Variants in BANK1 observed in about 807,000 individuals in gnomAD.
BANK1 encodes B cell scaffold protein with ankyrin repeats 1, also known as B-cell scaffold protein with ankyrin repeats.
A neutral mutation model predicts 94.5 loss-of-function variants in BANK1; 95 were observed. The ratio of observed to expected loss-of-function variants is 1.00; its 90% CI spans 0.85 to 1.19. The LOEUF is 1.19. Among genes scored for constraint, BANK1 ranks in the 50% most tolerant of loss-of-function variants. BANK1 has a pLI of 0.00. For synonymous variants in BANK1, 334 were observed against 308.4 expected, an observed-to-expected ratio of 1.08 and a Z score of -0.87; for missense variants, 987 against 932.2, an observed-to-expected ratio of 1.06 and a Z score of -0.77.
intron 1 of BANK1, among the ~76,000 whole-genome samples, chr4:101,811,965 A>C (rs1433183711): frequency 6.6e-6 from 1 of 151,996 alleles, no homozygotes. Flanking sequence ...AGTCTGAAAA[A>C]TTGTTCTTTA....
chr4:101,862,684 A>T lies in BANK1; in HGVS notation c.763+20A>T, dbSNP rs970686195. The T allele has an allele frequency of 6.3e-6, 10 of 1,581,116 alleles. No homozygotes were observed. Among genetic ancestry groups the T allele is most frequent in the African/African-American group, 1.4e-5 (1 of 73,124 alleles). ...CTTTAGGTAAGAATGTTTATGATTT[A>T]ATAAGCATAAAACATTATCCTGAGT... On this transcript the variant is annotated intron_variant, in intron 4 of 16. Coordinates refer to ENST00000322953, the MANE Select transcript of BANK1 (RefSeq NM_017935.5).
chr4:101,929,553 A>G (rs1023775972), intron 7 of BANK1, among the ~76,000 whole-genome samples: 1 of 151,628 alleles, frequency 6.6e-6, no homozygotes, highest in African/African-American at 2.4e-5. Context: ...AGGAAACAAT[A>G]TTTATCAAAT....
At chr4:101,813,465 A>G (rs1302966238) in intron 1 of BANK1, among the ~76,000 whole-genome samples, 1 of 152,228 alleles carries the variant, frequency 6.6e-6, no homozygotes, top group East Asian at 1.9e-4. Context: ...AAAAGCCACT[A>G]TGGTGATTCT....
At chr4:102,053,791 A>ACTAAATTAGCTAT (rs1466740288) in intron 11 of BANK1, among the ~76,000 whole-genome samples, 1 of 151,898 alleles carries the variant, frequency 6.6e-6, no homozygotes, top group Non-Finnish European at 1.5e-5. Context: ...AATTATTGCT[A>ACTAAATTAGCTAT]ATTTAGTAGC....
chr4:101,919,380 C>G (rs1484182568), intron 7 of BANK1, among the ~76,000 whole-genome samples: 3 of 151,978 alleles, frequency 2.0e-5, no homozygotes, highest in Admixed American at 2.0e-4. Flanking sequence ...AAAGACTCAG[C>G]TTTTGACAGA....
rs185123956 is a variant in BANK1 at position 101,951,833 on chromosome 4, T to G, written c.1206+33644T>G. Among the ~76,000 whole-genome samples the G allele has an allele frequency of 4.0e-3, 610 of 151,406 alleles. 3 individuals carry two copies. The highest frequency in any genetic ancestry group is 0.014 in the African/African-American group (576 of 41,450). ...ATAAATAATTTTGATTTTTAGTTTTTATTTTTTGTACTCAGAACCCATTTA... is the reference window on the plus strand; with the variant it reads ...ATAAATAATTTTGATTTTTAGTTTTGATTTTTTGTACTCAGAACCCATTTA... On this transcript the variant is annotated intron_variant, in intron 7 of 16. Coordinates refer to ENST00000322953, the MANE Select transcript of BANK1 (RefSeq NM_017935.5).
At chr4:101,801,502 G>A (rs1725355701) in intron 1 of BANK1, among the ~76,000 whole-genome samples, 1 of 152,122 alleles carries the variant, frequency 6.6e-6, no homozygotes, top group Non-Finnish European at 1.5e-5. Context: ...TGTTGAATAT[G>A]TATTATGAGA....
At chr4:102,047,718 C>A (rs1481999106) in intron 11 of BANK1, among the ~76,000 whole-genome samples, 2 of 151,708 alleles carry the variant, frequency 1.3e-5, no homozygotes, top group Non-Finnish European at 2.9e-5. Context: ...AGGGAAAATG[C>A]AAAGAAGGCC....
chr4:102,030,192 T>C lies in BANK1; in HGVS notation c.1827T>C (p.Asn609=). ...KKTGSRSFII[N]RPPAPTPRPT... The stretch of plus-strand genomic sequence containing the variant: ...CTGGGAGTCGGTCTTTCATTATAAA[T>C]AGACCTCCTGCCCCCACACCCCGAC... Residue 609 remains asparagine, a synonymous_variant, in exon 10 of 17, where the codon AAT becomes AAC. Transcript: ENST00000322953. 6.2e-7 allele frequency: 1 copy of C among 1,613,822 alleles called. No individual in the cohort carries two copies. Among genetic ancestry groups the C allele is most frequent in the Non-Finnish European group, 8.5e-7 (1 of 1,179,798 alleles).
In BANK1 at chr4:101,918,205, A is replaced by T. The variant is rs3733198; in HGVS notation, c.1206+16A>T. 1,406,732 of 1,464,664 alleles carry T rather than the reference A, an allele frequency of 0.96. 675,954 individuals are homozygous for T. Among genetic ancestry groups the T allele is most frequent in the Admixed American group, 0.98 (48,915 of 50,102 alleles). 90.7% of individuals were successfully genotyped at this position (1,464,664 alleles called of 1,614,324 possible). A position where few individuals can be genotyped will look rare whatever the true frequency, so the allele number is the denominator to read the frequency against. On this transcript the variant is annotated intron_variant, in intron 7 of 16. Transcript: ENST00000322953. ...AGACTTTTCAGTAAGTTTTTTTTTT[A>T]AATTATATCTCTGTATATTCTGTTT...
At chr4:101,850,192 G>A (rs1727419655) in intron 2 of BANK1, among the ~76,000 whole-genome samples, 1 of 152,088 alleles carries the variant, frequency 6.6e-6, no homozygotes, top group Admixed American at 6.5e-5. Flanking sequence ...TTTTATTATT[G>A]CACTTAATAT....
intron 7 of BANK1, among the ~76,000 whole-genome samples, chr4:101,995,025 T>G (rs1469117811): frequency 6.6e-6 from 1 of 152,160 alleles, no homozygotes; most frequent in Admixed American, 6.5e-5. Context: ...GGTATACATG[T>G]GCCATGGTGG....
At chr4:101,960,074 T>C (rs139747579) in intron 7 of BANK1, among the ~76,000 whole-genome samples, 1,549 of 152,318 alleles carry the variant, frequency 0.01, 9 homozygotes, top group Non-Finnish European at 0.016. Flanking sequence ...TGAATGATTA[T>C]AGGCAGATCT....
intron 11 of BANK1, among the ~76,000 whole-genome samples, chr4:102,054,601 C>G (rs537605757): frequency 6.6e-6 from 1 of 152,004 alleles, no homozygotes; most frequent in African/African-American, 2.4e-5. Flanking sequence ...GGATACCAGC[C>G]AGGACTGAGA....
At chr4:101,986,887 G>GTATA (rs1725515447) in intron 7 of BANK1, among the ~76,000 whole-genome samples, 2 of 65,932 alleles carry the variant, frequency 3.0e-5, no homozygotes, top group East Asian at 3.6e-4. Flanking sequence ...GTGTGTGTGT[G>GTATA]TGTGTGTGTG....
rs1726550371 is a variant in BANK1 at position 101,830,042 on chromosome 4, A to C, written c.305A>C (p.Glu102Ala). The stretch of plus-strand genomic sequence containing the variant: ...ACTCCAAAGAAATGTCAGTTTCTGG[A>C]AAAGATACTTCATTCACCAAAAAGT... The part of the protein sequence containing the change: ...DLTPKKCQFL[E>A]KILHSPKSVV... Residue 102 changes from glutamate (E) to alanine (A), a missense_variant, in exon 2 of 17, where the codon GAA (glutamate) becomes GCA (alanine). Physicochemically the swap from Glu to Ala is moderately radical, Grantham distance 107 (BLOSUM62 -1). Transcript: ENST00000322953. 3.1e-6 allele frequency: 5 copies of C among 1,613,910 alleles called. No homozygotes were observed. The highest frequency in any genetic ancestry group is 4.2e-6 in the Non-Finnish European group (5 of 1,179,900).
At position 101,885,249 on chromosome 4, in the gene BANK1, A is replaced by G. The variant is rs1400724992; in HGVS notation, c.904-10056A>G. Among the ~76,000 whole-genome samples, 4 of 152,322 alleles carry G rather than the reference A, an allele frequency of 2.6e-5. 1 individual carries two copies. The East Asian group carries it at 5.8e-4, about 22-fold the overall frequency. ...TTCTTTTACAAACAAAGTTCTCAGC[A>G]TGTAATTCTGCTCCAACATTTCAAT... On this transcript the variant is annotated intron_variant, in intron 5 of 16. Coordinates refer to ENST00000322953, the MANE Select transcript of BANK1 (RefSeq NM_017935.5).
chr4:102,068,687 G>T (rs896452048), intron 13 of BANK1, among the ~76,000 whole-genome samples: 61 of 151,996 alleles, frequency 4.0e-4, no homozygotes, highest in African/African-American at 1.4e-3. Flanking sequence ...AATTAGCGAG[G>T]CGTGGTGGCA....
rs539338873 is a variant in BANK1 at position 102,044,785 on chromosome 4, A to G, written c.1969+878A>G. ...ATTTGCATTTCTCTGATGGCCAGTG[A>G]TGGTGAGCATTTTTTCATGTGTTTT... On this transcript the variant is annotated intron_variant, in intron 11 of 16. Coordinates refer to ENST00000322953, the MANE Select transcript of BANK1 (RefSeq NM_017935.5). Among the ~76,000 whole-genome samples, 167 of 88,920 alleles carry G rather than the reference A, an allele frequency of 1.9e-3. 3 individuals carry two copies. In the East Asian group the frequency reaches 0.034, roughly 18 times the overall value. 58.3% of individuals were successfully genotyped at this position (88,920 alleles called of 152,430 possible). A position where few individuals can be genotyped will look rare whatever the true frequency, so the allele number is the denominator to read the frequency against.
Sources: gnomAD v4.1 joint callset for allele counts (sites outside exome capture counted in the v4.1 genomes callset) on GRCh38, gnomAD v4.1.1 for gene constraint, MANE v1.5 for transcripts, NCBI Gene and HGNC (gene_info 2026-07-23, HGNC 2026-07-21) for gene names.